BEST3: variants seen among roughly 807,000 people sequenced by gnomAD.
The protein encoded by BEST3 is bestrophin 3.
Under a neutral mutation model 47.1 loss-of-function variants are expected in BEST3, and 50 were observed. That is an observed-to-expected ratio of 1.06 (90% CI 0.85 to 1.34). BEST3 has a LOEUF of 1.34. BEST3 is among the 40% of genes most tolerant of loss of function. The pLI is 0.00. For missense variants in BEST3, 765 were observed against 817.0 expected (o/e 0.94, Z 0.78); for synonymous variants, 282 against 298.8 (o/e 0.94, Z 0.58).
At position 69,655,424 on chromosome 12, in the gene BEST3, A is replaced by G; in HGVS notation, c.1490T>C (p.Met497Thr). Reference sequence around the variant, plus strand: ...GATCAATACCTCAGGTACCAGTGGCATTTTGATGGGGGAAGTTCTCACACT... The same window carrying G: ...GATCAATACCTCAGGTACCAGTGGCGTTTTGATGGGGGAAGTTCTCACACT... ...QSSVRTSPIK[M>T]PLVPEVLITA... The change falls in exon 10 of 10, where the codon ATG becomes ACG. Residue 497 changes from methionine (M) to threonine (T), a missense_variant. Transcript: ENST00000330891. 2 of 1,614,120 alleles carry G rather than the reference A, an allele frequency of 1.2e-6. No homozygotes were observed. The highest frequency in any genetic ancestry group is 8.5e-7 in the Non-Finnish European group (1 of 1,180,012).
At chr12:69,657,854 A>C (rs1883604689) in intron 9 of BEST3, among the ~76,000 whole-genome samples, 1 of 152,214 alleles carries the variant, frequency 6.6e-6, no homozygotes, top group Non-Finnish European at 1.5e-5. Flanking sequence ...CTGTTTTTCT[A>C]AAGCCTCAGC....
At chr12:69,652,042 AGCCTT>A (rs1883226724), downstream of BEST3, among the ~76,000 whole-genome samples, 1 of 152,214 alleles carries the variant, frequency 6.6e-6, no homozygotes, top group South Asian at 2.1e-4. Flanking sequence ...GGGAGATAAC[AGCCTT>A]CTTTGTTTTG....
chr12:69,687,918 G>A (rs572525399), intron 4 of BEST3, among the ~76,000 whole-genome samples: 5 of 152,160 alleles, frequency 3.3e-5, no homozygotes, highest in Admixed American at 6.5e-5. Flanking sequence ...GACCATATTT[G>A]TTCTGCTTAT....
At chr12:69,687,238 T>C (rs1885667379) in intron 4 of BEST3, 1 of 152,210 alleles carries the variant, frequency 6.6e-6, no homozygotes, top group South Asian at 2.1e-4. Flanking sequence ...GCTTGCTTGG[T>C]TATATTAATG....
At chr12:69,685,383 G>A (rs780486428) in intron 4 of BEST3, among the ~76,000 whole-genome samples, 1 of 152,202 alleles carries the variant, frequency 6.6e-6, no homozygotes, top group Non-Finnish European at 1.5e-5. Flanking sequence ...GGGTAGAATA[G>A]ATCTGAGGCA....
At chr12:69,695,835 A>G (rs896423033) in intron 2 of BEST3, among the ~76,000 whole-genome samples, 1 of 152,186 alleles carries the variant, frequency 6.6e-6, no homozygotes. Context: ...TAACCACTTA[A>G]CAAATTGCCT....
At chr12:69,688,269 A>C (rs1885748528) in intron 4 of BEST3, among the ~76,000 whole-genome samples, 1 of 152,174 alleles carries the variant, frequency 6.6e-6, no homozygotes, top group South Asian at 2.1e-4. Context: ...AGGGCAGGTG[A>C]TTGGAATGAC....
rs75163036 is a variant in BEST3 at position 69,695,613 on chromosome 12, A to G, written c.153-1149T>C. 1.6e-4 allele frequency among the ~76,000 whole-genome samples: 25 copies of G among 152,328 alleles called. No individual in the cohort carries two copies. In the East Asian group the frequency reaches 4.4e-3, roughly 27 times the overall value. ...AATGGTTTCTGATGTTCAAATAGAC[A>G]TGGTCAAAGAGGATTTAAATGTGGA... is the stretch of plus-strand genomic sequence containing the variant. On this transcript the variant is annotated intron_variant, in intron 2 of 9. Transcript: ENST00000330891.
chr12:69,691,652 C>T (rs546882312), intron 4 of BEST3, among the ~76,000 whole-genome samples: 10 of 152,144 alleles, frequency 6.6e-5, no homozygotes, highest in East Asian at 5.8e-4. Flanking sequence ...ATTAGCCAGG[C>T]GTGGTGGTGT....
At chr12:69,648,317 G>A (rs1160566603) in intron 9 of BEST3, among the ~76,000 whole-genome samples, 2 of 152,070 alleles carry the variant, frequency 1.3e-5, no homozygotes, top group Non-Finnish European at 2.9e-5. Flanking sequence ...AAGCAATTGG[G>A]GCAGTAGATA....
chr12:69,678,097 T>C (rs1013623207), intron 5 of BEST3, among the ~76,000 whole-genome samples: 1 of 152,120 alleles, frequency 6.6e-6, no homozygotes, highest in Admixed American at 6.5e-5. Flanking sequence ...ATTTTTTTCA[T>C]CGATTGCACA....
At position 69,693,759 on chromosome 12, in the gene BEST3, G is replaced by A; in HGVS notation, c.396C>T (p.Val132=). The change falls in exon 4 of 10, where the codon GTC becomes GTT. Residue 132 remains valine (V), a synonymous_variant. Coordinates refer to ENST00000330891, the MANE Select transcript of BEST3 (RefSeq NM_032735.3). ...RLLRRTLMRY[V]NLTSLLIFRS... ...GAAAGATGAGCAGGGAGGTGAGATT[G>A]ACGTAGCGCATCAGCGTCCTTCTAA... 6.2e-7 allele frequency: 1 copy of A among 1,614,192 alleles called. No individual in the cohort carries two copies. Among genetic ancestry groups the A allele is most frequent in the Non-Finnish European group, 8.5e-7 (1 of 1,180,028 alleles).
At chr12:69,675,839 G>C (rs710719) in intron 7 of BEST3, among the ~76,000 whole-genome samples, 54,624 of 151,984 alleles carry the variant, frequency 0.36, 10,167 homozygotes, top group East Asian at 0.5. Context: ...GAAAGGAAAG[G>C]CTTCTGCAGG....
chr12:69,677,760 G>A (rs1885010237), intron 5 of BEST3, among the ~76,000 whole-genome samples: 1 of 151,968 alleles, frequency 6.6e-6, no homozygotes, highest in African/African-American at 2.4e-5. Context: ...CATGTAGCCT[G>A]GACAACAGAG....
chr12:69,695,810 A>C (rs1886112397), intron 2 of BEST3, among the ~76,000 whole-genome samples: 1 of 152,338 alleles, frequency 6.6e-6, no homozygotes, highest in East Asian at 1.9e-4. Flanking sequence ...TAAATAATAT[A>C]TGTATACATA....
At position 69,697,269 on chromosome 12, in the gene BEST3, C is replaced by G. The variant is rs138254760; in HGVS notation, c.152+378G>C. Among the ~76,000 whole-genome samples, 617 of 152,238 alleles carry G rather than the reference C, an allele frequency of 4.1e-3. 4 individuals carry two copies. The highest frequency in any genetic ancestry group is 6.9e-3 in the Non-Finnish European group (468 of 68,028). ...TATATAGGTAGTTGCTACAAGCTGT[C>G]AAATCATCAACTATGAATGACAAGT... is the stretch of plus-strand genomic sequence containing the variant. On this transcript the variant is annotated intron_variant, in intron 2 of 9. Coordinates refer to ENST00000330891, the MANE Select transcript of BEST3 (RefSeq NM_032735.3).
At chr12:69,647,062 C>T (rs532971311) in intron 9 of BEST3, among the ~76,000 whole-genome samples, 4 of 152,142 alleles carry the variant, frequency 2.6e-5, no homozygotes, top group East Asian at 1.9e-4. Flanking sequence ...ATCTTTGAGG[C>T]GTAAAGGGGA....
chr12:69,655,045 T>A lies in BEST3; in HGVS notation c.1869A>T (p.Thr623=). ...TGTTGATCCCACTGATCTCTGAGGA[T>A]GTTTCTGTGTCAATTAAAAGAGCTG... ...SQPALLIDTE[T]SSEISGINIV... Residue 623 remains threonine (T), a synonymous_variant, in exon 10 of 10, where the codon ACA becomes ACT. Coordinates refer to ENST00000330891, the MANE Select transcript of BEST3 (RefSeq NM_032735.3). 2 of 1,614,148 alleles carry A rather than the reference T, an allele frequency of 1.2e-6. No homozygotes were observed. Among genetic ancestry groups the A allele is most frequent in the South Asian group, 2.2e-5 (2 of 91,078 alleles).
chr12:69,697,218 C>T (rs1719563627), intron 2 of BEST3, among the ~76,000 whole-genome samples: 1 of 152,196 alleles, frequency 6.6e-6, no homozygotes, highest in South Asian at 2.1e-4. Context: ...TTTTCCCTGA[C>T]ATACACCAAT....
Sources: allele counts gnomAD v4.1 joint callset (sites outside exome capture counted in the v4.1 genomes callset), GRCh38; gene constraint gnomAD v4.1.1; transcripts MANE v1.5; gene names NCBI Gene and HGNC (gene_info 2026-07-23, HGNC 2026-07-21).